The following DNAJC18 variants were observed in gnomAD, a reference collection of about 807,000 sequenced individuals.
DNAJC18 encodes the protein DnaJ heat shock protein family (Hsp40) member C18.
A neutral mutation model predicts 48.6 loss-of-function variants in DNAJC18; 40 were observed. The observed-to-expected ratio is 0.82, with a 90% confidence interval of 0.64 to 1.07. The LOEUF (loss-of-function observed/expected upper bound fraction) is 1.07. Among genes scored for constraint, DNAJC18 ranks in the 50% least tolerant of loss-of-function variants. DNAJC18 has a pLI of 0.00. For synonymous variants in DNAJC18, 135 were observed against 152.2 expected (o/e 0.89, Z 0.83); for missense variants, 340 against 427.7 (o/e 0.79, Z 1.81).
rs1212305790 is a variant in DNAJC18 at position 139,411,452 on chromosome 5, C to T, written c.*2696G>A. On this transcript the variant is annotated 3_prime_UTR_variant, in exon 8 of 8. Coordinates refer to ENST00000302060, the MANE Select transcript of DNAJC18 (RefSeq NM_152686.4). ...GCCAAGCTCCGGCAGCAAGAATAAGCCCTACCTAGTTATGTATGATCAGGA... is the reference window on the plus strand; with the variant it reads ...GCCAAGCTCCGGCAGCAAGAATAAGTCCTACCTAGTTATGTATGATCAGGA... 1 of 152,180 alleles carries T rather than the reference C, an allele frequency of 6.6e-6. No homozygotes were observed. Among genetic ancestry groups the T allele is most frequent in the Non-Finnish European group, 1.5e-5 (1 of 68,038 alleles). 9.4% of individuals were successfully genotyped at this position (152,180 alleles called of 1,614,324 possible).
chr5:139,439,450 G>A lies in DNAJC18; in HGVS notation c.-5C>T, dbSNP rs754196947. The A allele has an allele frequency of 1.2e-6, 2 of 1,613,948 alleles. No homozygotes were observed. The highest frequency in any genetic ancestry group is 8.5e-7 in the Non-Finnish European group (1 of 1,180,014). On this transcript the variant is annotated 5_prime_UTR_variant, in exon 1 of 8. Coordinates refer to ENST00000302060, the MANE Select transcript of DNAJC18 (RefSeq NM_152686.4). This position sits in a 1 kb window ranked among gnomAD's most constrained non-coding sequence, Gnocchi z 4.1. ...GCTGCCCAGAGTCGCCGCCATATCG[G>A]TTCCCAATCAGCAGGTCCGCCGAGC...
chr5:139,413,043 A>G lies in DNAJC18; in HGVS notation c.*1105T>C. On this transcript the variant is annotated 3_prime_UTR_variant, in exon 8 of 8. Coordinates refer to ENST00000302060, the MANE Select transcript of DNAJC18 (RefSeq NM_152686.4). The stretch of plus-strand genomic sequence containing the variant: ...TCTGGGCCAATGTTCTCATTCATAG[A>G]ACCAGGGATAATACATCTACTTCAG... 1 of 397,540 alleles carries G rather than the reference A, an allele frequency of 2.5e-6. No individual in the cohort carries two copies. The allele number at this position is 397,540 out of a possible 1,614,324, so 24.6% of individuals were successfully genotyped here.
At chr5:139,429,625 T>TA (rs577991882) in intron 2 of DNAJC18, among the ~76,000 whole-genome samples, 2 of 151,628 alleles carry the variant, frequency 1.3e-5, no homozygotes, top group Admixed American at 6.6e-5. Flanking sequence ...CATCTTGCTT[T>TA]AAAAAAAAAT....
chr5:139,428,563 A>G lies in DNAJC18; in HGVS notation c.348T>C (p.Ala116=). ...ALKFHPDKNC[A]PGATDAFKAI... ...CTTTGAAAGCATCTGTTGCTCCAGG[A>G]GCACAGTTCTTGTCAGGGTGAAATT... The change falls in exon 3 of 8, where the codon GCT becomes GCC. Residue 116 remains alanine (A), a synonymous_variant. Transcript: ENST00000302060. 1 of 1,613,748 alleles carries G rather than the reference A, an allele frequency of 6.2e-7. No individual in the cohort carries two copies. Among genetic ancestry groups the G allele is most frequent in the South Asian group, 1.1e-5 (1 of 91,004 alleles).
At chr5:139,425,313 G>A (rs1238789825) in intron 4 of DNAJC18, among the ~76,000 whole-genome samples, 199 bp from the exon 5 acceptor site, 2 of 152,010 alleles carry the variant, frequency 1.3e-5, no homozygotes, top group African/African-American at 2.4e-5. Flanking sequence ...ACAGGCACCC[G>A]CCACCATGCC....
intron 2 of DNAJC18, among the ~76,000 whole-genome samples, chr5:139,432,533 C>T (rs1217763360): frequency 6.6e-6 from 1 of 151,694 alleles, no homozygotes; most frequent in African/African-American, 2.4e-5. Context: ...GTGGCACGAT[C>T]ATAGCTCACT....
intron 1 of DNAJC18, 93 bp from the exon 2 acceptor site, chr5:139,437,651 A>G: frequency 6.9e-7 from 1 of 1,446,676 alleles, no homozygotes; most frequent in Non-Finnish European, 9.2e-7. Flanking sequence ...GCTCGTAAGC[A>G]TGAGAAGGTA....
rs1759035004 is a variant in DNAJC18 at position 139,414,094 on chromosome 5, A to G, written c.*54T>C. On this transcript the variant is annotated 3_prime_UTR_variant, in exon 8 of 8. Coordinates refer to ENST00000302060, the MANE Select transcript of DNAJC18 (RefSeq NM_152686.4). ...TTTGTATTATAAAATGGAATCAGGAACATAAATAGGAACAAGTAGCAAAAC... is the reference window on the plus strand; with the variant it reads ...TTTGTATTATAAAATGGAATCAGGAGCATAAATAGGAACAAGTAGCAAAAC... The G allele has an allele frequency of 1.3e-6, 2 of 1,580,814 alleles. No individual in the cohort carries two copies. Among genetic ancestry groups the G allele is most frequent in the Non-Finnish European group, 1.7e-6 (2 of 1,167,680 alleles).
Position 139,413,996 on chromosome 5 carries a change from T to C in DNAJC18, c.*152A>G. The C allele has an allele frequency of 8.8e-7, 1 of 1,137,432 alleles. No individual in the cohort carries two copies. The highest frequency in any genetic ancestry group is 1.7e-5 in the South Asian group (1 of 59,824). The allele number at this position is 1,137,432 out of a possible 1,614,324, so 70.5% of individuals were successfully genotyped here. A position where few individuals can be genotyped will look rare whatever the true frequency, so the allele number is the denominator to read the frequency against. On this transcript the variant is annotated 3_prime_UTR_variant, in exon 8 of 8. Coordinates refer to ENST00000302060, the MANE Select transcript of DNAJC18 (RefSeq NM_152686.4). ...GATCCTGTGAAGACACATCTGGCTC[T>C]CGTGCCCATGCTCCTGCCACTCTGC...
In DNAJC18 at chr5:139,412,149, ACT is replaced by A. The variant is rs1434641172; in HGVS notation, c.*1997_*1998del. The A allele has an allele frequency of 6.6e-6, 1 of 151,942 alleles. No homozygotes were observed. Among genetic ancestry groups the A allele is most frequent in the Non-Finnish European group, 1.5e-5 (1 of 67,990 alleles). 9.4% of individuals were successfully genotyped at this position (151,942 alleles called of 1,614,324 possible). On this transcript the variant is annotated 3_prime_UTR_variant, in exon 8 of 8. Coordinates refer to ENST00000302060, the MANE Select transcript of DNAJC18 (RefSeq NM_152686.4). ...TCTTTACCTGTGAACCCATCTCCTGACTCTGTGGAATGCCTGCAGAGGCATGG... is the reference window on the plus strand; with the variant it reads ...TCTTTACCTGTGAACCCATCTCCTGACTGTGGAATGCCTGCAGAGGCATGG...
At chr5:139,422,852 G>T in intron 5 of DNAJC18, 35 bp from the exon 6 acceptor site, 3 of 1,484,602 alleles carry the variant, frequency 2.0e-6, no homozygotes, top group African/African-American at 1.4e-5. Flanking sequence ...CTTGCTGTAA[G>T]TGTTCTTTTT....
intron 7 of DNAJC18, 89 bp downstream of exon 7, chr5:139,419,964 A>G (rs1561998176): frequency 7.6e-7 from 1 of 1,321,364 alleles, no homozygotes. Context: ...CGTAGCCTCA[A>G]ACAAGAAGAG....
rs1758995077 is a variant in DNAJC18, at chr5:139,411,534, AC to A, written c.*2613del. Reference sequence around the variant, plus strand: ...AGCTTATTTTACCACCATGCAGACAACCCATCTAAAATATAACCCAGGAAAT... The same window carrying A: ...AGCTTATTTTACCACCATGCAGACAACCATCTAAAATATAACCCAGGAAAT... On this transcript the variant is annotated 3_prime_UTR_variant, in exon 8 of 8. Coordinates refer to ENST00000302060, the MANE Select transcript of DNAJC18 (RefSeq NM_152686.4). 6.6e-6 allele frequency: 1 copy of A among 152,200 alleles called. No homozygotes were observed. The highest frequency in any genetic ancestry group is 1.5e-5 in the Non-Finnish European group (1 of 68,036). 9.4% of individuals were successfully genotyped at this position (152,200 alleles called of 1,614,324 possible). A position where few individuals can be genotyped will look rare whatever the true frequency, so the allele number is the denominator to read the frequency against.
At chr5:139,426,037 C>T (rs1452609395) in intron 4 of DNAJC18, 135 bp downstream of exon 4, 1 of 1,017,160 alleles carries the variant, frequency 9.8e-7, no homozygotes, top group Non-Finnish European at 1.4e-6. Context: ...TTGCCTCAAA[C>T]TCCTGCTCAA....
chr5:139,437,284 A>T, intron 2 of DNAJC18, 88 bp downstream of exon 2: 1 of 1,428,878 alleles, frequency 7.0e-7, no homozygotes. Context: ...CATCATCATT[A>T]TCATCAGTCA....
In DNAJC18 at chr5:139,420,050, T is replaced by C; in HGVS notation, c.952+3A>G. 1 of 1,569,922 alleles carries C rather than the reference T, an allele frequency of 6.4e-7. No individual in the cohort carries two copies. Among genetic ancestry groups the C allele is most frequent in the Non-Finnish European group, 8.6e-7 (1 of 1,163,356 alleles). On this transcript the variant is annotated splice_donor_region_variant and intron_variant, in intron 7 of 7. Transcript: ENST00000302060. ...AGCTAATGCCCCTTTTACAGTATCT[T>C]ACTTTGTTGTTTCTCCTTCCAACAA...
In DNAJC18 at chr5:139,411,673, A is replaced by G. The variant is rs975073577; in HGVS notation, c.*2475T>C. 6 of 152,240 alleles carry G rather than the reference A, an allele frequency of 3.9e-5. No homozygotes were observed. The highest frequency in any genetic ancestry group is 9.6e-5 in the African/African-American group (4 of 41,456). 9.4% of individuals were successfully genotyped at this position (152,240 alleles called of 1,614,324 possible). A position where few individuals can be genotyped will look rare whatever the true frequency, so the allele number is the denominator to read the frequency against. The stretch of plus-strand genomic sequence containing the variant: ...GAATGTTGTGGTCTATTGGCAATAA[A>G]TAAAACAGTACCATCGGTGCTATAA... On this transcript the variant is annotated 3_prime_UTR_variant, in exon 8 of 8. Coordinates refer to ENST00000302060, the MANE Select transcript of DNAJC18 (RefSeq NM_152686.4).
At chr5:139,431,518 T>C (rs1040781441) in intron 2 of DNAJC18, among the ~76,000 whole-genome samples, 3 of 152,254 alleles carry the variant, frequency 2.0e-5, no homozygotes, top group African/African-American at 7.2e-5. Flanking sequence ...TCATCCATGT[T>C]GTAGCATGAA....
chr5:139,425,145 G>T (rs1759215994), intron 4 of DNAJC18, 31 bp from the exon 5 acceptor site: 1 of 1,569,820 alleles, frequency 6.4e-7, no homozygotes, highest in Non-Finnish European at 8.7e-7. Context: ...ATGGGATATG[G>T]CAAACACTCC....
Sources: allele counts gnomAD v4.1 joint callset (sites outside exome capture counted in the v4.1 genomes callset), GRCh38; gene constraint gnomAD v4.1.1; non-coding constraint Gnocchi (gnomAD v3.1); transcripts MANE v1.5; gene names NCBI Gene and HGNC (gene_info 2026-07-23, HGNC 2026-07-21).